NCKAP5: variants seen among roughly 807,000 people sequenced by gnomAD.
NCKAP5 encodes the protein NCK associated protein 5, also known as nck-associated protein 5.
In NCKAP5, 92 loss-of-function variants were observed where a neutral mutation model predicts 167.0. The observed-to-expected ratio is 0.55, with a 90% CI of 0.47 to 0.66. NCKAP5 has a LOEUF of 0.66. Ranked by LOEUF, NCKAP5 falls within the 30% of genes least tolerant of loss-of-function variation. NCKAP5 has a pLI of 0.00. For synonymous variants in NCKAP5, 891 were observed against 877.4 expected (o/e 1.02, Z -0.27); for missense variants, 2,378 against 2,315.0 (o/e 1.03, Z -0.56).
At chr2:133,234,255 T>C (rs1244381436) in intron 4 of NCKAP5, among the ~76,000 whole-genome samples, 1 of 152,188 alleles carries the variant, frequency 6.6e-6, no homozygotes, top group African/African-American at 2.4e-5. Flanking sequence ...ATAACATAAG[T>C]CCTTTAGATA....
intron 6 of NCKAP5, among the ~76,000 whole-genome samples, chr2:133,043,440 C>G (rs2079280933): frequency 6.6e-6 from 1 of 152,084 alleles, no homozygotes; most frequent in Non-Finnish European, 1.5e-5. Context: ...CAATCTTTGG[C>G]TTCCTTGGGC....
intron 3 of NCKAP5, among the ~76,000 whole-genome samples, chr2:133,394,185 C>T (rs1424681770): frequency 6.6e-6 from 1 of 152,212 alleles, no homozygotes; most frequent in Admixed American, 6.5e-5. Context: ...AACACATATG[C>T]TAGCTTGACT....
intron 8 of NCKAP5, among the ~76,000 whole-genome samples, chr2:132,920,681 GTT>G (rs1695261242): frequency 1.2e-5 from 1 of 82,084 alleles, no homozygotes; most frequent in Admixed American, 1.8e-4. Flanking sequence ...ATATATATAA[GTT>G]AGTTTATATA....
intron 6 of NCKAP5, among the ~76,000 whole-genome samples, chr2:133,003,372 A>G (rs1419599751): frequency 6.6e-6 from 1 of 152,238 alleles, no homozygotes; most frequent in Admixed American, 6.5e-5. Flanking sequence ...GTCTAAAGGA[A>G]AGCTGACTAA....
chr2:133,114,773 T>C (rs1418631372), intron 6 of NCKAP5, among the ~76,000 whole-genome samples: 8 of 152,174 alleles, frequency 5.3e-5, no homozygotes, highest in Admixed American at 4.6e-4. Flanking sequence ...CCTAGTCTTA[T>C]AGTGTTTCCT....
chr2:133,625,782 G>A, the NCKAP5 span, among the ~76,000 whole-genome samples: 1 of 150,898 alleles, frequency 6.6e-6, no homozygotes, highest in Non-Finnish European at 1.5e-5. Context: ...GAGGCAAGGA[G>A]AATGGCGTGA....
intron 4 of NCKAP5, 140 bp from the exon 5 acceptor site, chr2:133,213,919 A>T: frequency 2.7e-6 from 2 of 730,014 alleles, no homozygotes; most frequent in East Asian, 5.4e-5. Flanking sequence ...ACTTTCTATA[A>T]ATATTTAAAC....
At chr2:133,287,130 C>A (rs1031027337) in intron 4 of NCKAP5, among the ~76,000 whole-genome samples, 3 of 152,202 alleles carry the variant, frequency 2.0e-5, no homozygotes, top group Non-Finnish European at 4.4e-5. Context: ...CACAAGACAA[C>A]TCATTCCATT....
At chr2:133,121,340 G>A (rs1473021250) in intron 6 of NCKAP5, among the ~76,000 whole-genome samples, 2 of 152,194 alleles carry the variant, frequency 1.3e-5, no homozygotes, top group East Asian at 3.9e-4. Flanking sequence ...GTCTGGGAAT[G>A]CACATTAAAT....
intron 2 of NCKAP5, among the ~76,000 whole-genome samples, chr2:133,532,609 G>T (rs1438266552): frequency 6.6e-6 from 1 of 152,058 alleles, no homozygotes; most frequent in Non-Finnish European, 1.5e-5. Context: ...TTTATTCAGG[G>T]TTCCTCCTAT....
intron 6 of NCKAP5, among the ~76,000 whole-genome samples, chr2:133,038,999 A>G (rs2079125214): frequency 6.6e-6 from 1 of 152,120 alleles, no homozygotes; most frequent in South Asian, 2.1e-4. Context: ...AAACCTGGGG[A>G]GGCTTATACA....
chr2:133,114,394 C>CA (rs1273081194), intron 6 of NCKAP5, among the ~76,000 whole-genome samples: 1 of 152,114 alleles, frequency 6.6e-6, no homozygotes, highest in Non-Finnish European at 1.5e-5. Context: ...ATCCTCCCTC[C>CA]AAATTATTTA....
chr2:133,584,216 A>G, the NCKAP5 span, among the ~76,000 whole-genome samples: 1 of 152,250 alleles, frequency 6.6e-6, no homozygotes, highest in Admixed American at 6.5e-5. Flanking sequence ...ACACACACAT[A>G]AAATGAGCTA....
At chr2:132,699,590 T>C (rs1038025147) in intron 19 of NCKAP5, among the ~76,000 whole-genome samples, 4 of 152,180 alleles carry the variant, frequency 2.6e-5, no homozygotes, top group Non-Finnish European at 5.9e-5. Flanking sequence ...TTTGGTTTTC[T>C]GTCCTTGCAA....
rs544518089 is a variant in NCKAP5 at position 132,984,452 on chromosome 2, C to A, written c.429+9700G>T. 2.5e-3 allele frequency among the ~76,000 whole-genome samples: 384 copies of A among 152,282 alleles called. 3 individuals are homozygous for A. The highest frequency in any genetic ancestry group is 9.0e-3 in the African/African-American group (374 of 41,556). On this transcript the variant is annotated intron_variant, in intron 7 of 19. Transcript: ENST00000409261. ...TTGTGGTTCTGCCTCCTCAGATATG[C>A]CTGTCAGGCCAATTAACACCTGAAT...
rs772496566 is a variant in NCKAP5 at position 133,123,565 on chromosome 2, C to T, written c.341+6413G>A. On this transcript the variant is annotated intron_variant, in intron 6 of 19. Transcript: ENST00000409261. ...AGAGGCCCCAATTTTTATGAAAAGT[C>T]TCAGGCAGAAATATTGCTGATGATG... 1.1e-4 allele frequency: 28 copies of T among 258,016 alleles called. 1 individual carries two copies. Among genetic ancestry groups the T allele is most frequent in the Non-Finnish European group, 1.4e-4 (17 of 124,012 alleles). The allele number at this position is 258,016 out of a possible 1,614,324, so 16.0% of individuals were successfully genotyped here.
chr2:132,742,825 T>C (rs1436774857), intron 16 of NCKAP5, among the ~76,000 whole-genome samples: 2 of 151,926 alleles, frequency 1.3e-5, no homozygotes, highest in Non-Finnish European at 2.9e-5. Context: ...TCAAGGATCA[T>C]TTATTTTTCT....
chr2:133,300,477 T>C (rs1324087694), intron 4 of NCKAP5, among the ~76,000 whole-genome samples: 65 of 101,152 alleles, frequency 6.4e-4, no homozygotes, highest in African/African-American at 2.8e-3. Context: ...GTTCAATATA[T>C]GCAAATCAAT....
chr2:133,051,682 C>T (rs1054558624), intron 6 of NCKAP5, among the ~76,000 whole-genome samples: 4 of 152,160 alleles, frequency 2.6e-5, no homozygotes, highest in Non-Finnish European at 5.9e-5. Flanking sequence ...TTTTCCAATG[C>T]ACTGTGAATA....
Sources: allele counts gnomAD v4.1 joint callset (sites outside exome capture counted in the v4.1 genomes callset), GRCh38; gene constraint gnomAD v4.1.1; transcripts MANE v1.5; gene names NCBI Gene and HGNC (gene_info 2026-07-23, HGNC 2026-07-21).